Variants in TJP2 observed in about 807,000 individuals in gnomAD.
TJP2 encodes the protein tight junction protein 2, also known as Friedreich ataxia region gene X104 (tight junction protein ZO-2).
TJP2 carries 91 observed loss-of-function variants against 133.1 expected under a neutral mutation model. The observed-to-expected ratio is 0.68, with a 90% CI of 0.58 to 0.81. TJP2 has a LOEUF of 0.81. Among genes scored for constraint, TJP2 ranks in the 40% least tolerant of loss-of-function variants. TJP2 has a pLI of 0.00. For synonymous variants in TJP2, 592 were observed against 583.4 expected, an observed-to-expected ratio of 1.01 and a Z score of -0.21; for missense variants, 1,541 against 1,565.6, an observed-to-expected ratio of 0.98 and a Z score of 0.26.
At chr9:69,190,550 C>G (rs1395292969) in intron 1 of TJP2, among the ~76,000 whole-genome samples, 1 of 152,064 alleles carries the variant, frequency 6.6e-6, no homozygotes, top group East Asian at 1.9e-4. Flanking sequence ...ATAAATAACC[C>G]AATAAAAACA....
At chr9:69,213,055 ATTTTTTTTTTTTT>A (rs551659577) in intron 2 of TJP2, among the ~76,000 whole-genome samples, 16 of 76,546 alleles carry the variant, frequency 2.1e-4, no homozygotes, top group South Asian at 8.7e-4. Flanking sequence ...GTGGTTCTGC[ATTTTTTTTTTTTT>A]TTTTTTTTTT....
intron 1 of TJP2, among the ~76,000 whole-genome samples, chr9:69,206,777 C>T (rs1349367785): frequency 6.6e-6 from 1 of 151,740 alleles, no homozygotes; most frequent in Admixed American, 6.6e-5. Context: ...TGGGGTTTAA[C>T]CATGTTAGTC....
At chr9:69,205,041 C>A (rs1240327348) in intron 1 of TJP2, 19 of 1,442,030 alleles carry the variant, frequency 1.3e-5, no homozygotes, top group Non-Finnish European at 1.6e-5. Flanking sequence ...GAGATGACAA[C>A]AGGATTTGCT....
At position 69,228,169 on chromosome 9, in the gene TJP2, C is replaced by T. The variant is rs1009387313; in HGVS notation, c.1453+55C>T. 2.6e-5 allele frequency: 41 copies of T among 1,558,344 alleles called. No homozygotes were observed. In the South Asian group the frequency reaches 4.6e-4, roughly 17 times the overall value. On this transcript the variant is annotated intron_variant, in intron 9 of 22. Transcript: ENST00000377245. ...AGTTGTGTTCAGAAGTGTGTGCTCA[C>T]ACAGCCATAACAAAGAGTGAAATCA...
At chr9:69,243,124 A>C (rs557117243) in intron 17 of TJP2, among the ~76,000 whole-genome samples, 196 of 152,266 alleles carry the variant, frequency 1.3e-3, no homozygotes, top group African/African-American at 4.5e-3. Context: ...TTGGCCTCCT[A>C]AAATGCTGGG....
In TJP2 at chr9:69,167,649, A is replaced by T. The variant is rs77217469; in HGVS notation, c.-10+15878A>T. 1.6e-3 allele frequency among the ~76,000 whole-genome samples: 249 copies of T among 152,200 alleles called. 3 individuals carry two copies. In the East Asian group the frequency reaches 0.044, roughly 27 times the overall value. On this transcript the variant is annotated intron_variant, in intron 2 of 5. Transcript: ENST00000423935. The stretch of plus-strand genomic sequence containing the variant: ...CCAGGAGGCTGAAGCAAGCAGATCA[A>T]TTGAGGCTAGGAGTTCAAGACCAGC...
Position 69,251,203 on chromosome 9 carries a change from A to C in TJP2, c.3160A>C (p.Thr1054Pro). 2 of 1,613,968 alleles carry C rather than the reference A, an allele frequency of 1.2e-6. No individual in the cohort carries two copies. Among genetic ancestry groups the C allele is most frequent in the Non-Finnish European group, 1.7e-6 (2 of 1,180,004 alleles). ...TGGGCGGTCTATACTGAAGCCCTCC[A>C]CTCCCATCCCTCCTCAAGAGGGTGA... The part of the protein sequence containing the change: ...TFGRSILKPS[T>P]PIPPQEGEEV... Residue 1054 changes from threonine to proline, a missense_variant, in exon 21 of 23, where the codon ACT becomes CCT. Transcript: ENST00000377245.
intron 2 of TJP2, among the ~76,000 whole-genome samples, chr9:69,153,063 A>T (rs1042403088): frequency 6.7e-6 from 1 of 150,046 alleles, no homozygotes; most frequent in Non-Finnish European, 1.5e-5. Flanking sequence ...GTCTCTATTT[A>T]AAAAAAAATA....
chr9:69,233,304 A>G (rs1447325152), intron 11 of TJP2, among the ~76,000 whole-genome samples: 2 of 152,222 alleles, frequency 1.3e-5, no homozygotes, highest in East Asian at 3.8e-4. Context: ...TTTCTTCTTT[A>G]ATAAAGCATT....
intron 1 of TJP2, among the ~76,000 whole-genome samples, chr9:69,139,192 G>C (rs1446246619): frequency 6.6e-6 from 1 of 152,214 alleles, no homozygotes; most frequent in South Asian, 2.1e-4. Context: ...ACTCCAGCCT[G>C]GGTGATAGAG....
chr9:69,238,388 G>A (rs1830345311), intron 15 of TJP2, among the ~76,000 whole-genome samples: 1 of 151,954 alleles, frequency 6.6e-6, no homozygotes, highest in South Asian at 2.1e-4. Flanking sequence ...ATACAACCAA[G>A]GACCATTCAT....
chr9:69,253,797 A>T, intron 22 of TJP2: 2 of 294,334 alleles, frequency 6.8e-6, no homozygotes, highest in South Asian at 6.9e-5. Flanking sequence ...GTGATAGAAA[A>T]CTGGAAACAA....
chr9:69,157,272 A>G (rs1048486060), intron 2 of TJP2, among the ~76,000 whole-genome samples: 1 of 152,124 alleles, frequency 6.6e-6, no homozygotes, highest in Non-Finnish European at 1.5e-5. Flanking sequence ...TGTTACTCAA[A>G]CATGTTACTT....
chr9:69,209,529 G>A (rs930645644), intron 1 of TJP2, among the ~76,000 whole-genome samples: 6 of 151,876 alleles, frequency 4.0e-5, no homozygotes, highest in East Asian at 2.0e-4. Flanking sequence ...CGAGGTGGGC[G>A]GATCATCTAA....
At chr9:69,165,604 A>G (rs1022532674) in intron 2 of TJP2, among the ~76,000 whole-genome samples, 1 of 152,252 alleles carries the variant, frequency 6.6e-6, no homozygotes, top group African/African-American at 2.4e-5. Flanking sequence ...CATTTAGTCA[A>G]TCATTGTTTA....
intron 1 of TJP2, among the ~76,000 whole-genome samples, chr9:69,143,265 A>G (rs762278100): frequency 1.3e-5 from 2 of 152,194 alleles, no homozygotes; most frequent in African/African-American, 2.4e-5. Flanking sequence ...AAAACATCCC[A>G]TTTGCAAAAT....
intron 2 of TJP2, among the ~76,000 whole-genome samples, chr9:69,164,123 C>T (rs1824229039): frequency 3.3e-5 from 5 of 152,178 alleles, no homozygotes; most frequent in Admixed American, 3.3e-4. Context: ...GTGCCTTTTC[C>T]AGGCCAGTTT....
intron 1 of TJP2, among the ~76,000 whole-genome samples, chr9:69,206,638 C>A (rs544720878): frequency 6.6e-6 from 1 of 151,780 alleles, no homozygotes; most frequent in African/African-American, 2.4e-5. Flanking sequence ...AGTGCAGTGG[C>A]GCGATTTCGG....
In TJP2 at chr9:69,254,546, C is replaced by A; in HGVS notation, c.*172C>A. 1.2e-6 allele frequency: 1 copy of A among 809,606 alleles called. No homozygotes were observed. The highest frequency in any genetic ancestry group is 2.0e-6 in the Non-Finnish European group (1 of 493,546). 50.2% of individuals were successfully genotyped at this position (809,606 alleles called of 1,614,324 possible). A position where few individuals can be genotyped will look rare whatever the true frequency, so the allele number is the denominator to read the frequency against. ...GGGGACAGCTGGTGCAAATTCAGAA[C>A]TGAGGGCTCTGTTTGTGGGACTGGG... is the stretch of plus-strand genomic sequence containing the variant. On this transcript the variant is annotated 3_prime_UTR_variant, in exon 23 of 23. Coordinates refer to ENST00000377245, the MANE Select transcript of TJP2 (RefSeq NM_004817.4).
Sources: allele counts gnomAD v4.1 joint callset (sites outside exome capture counted in the v4.1 genomes callset), GRCh38; gene constraint gnomAD v4.1.1; transcripts MANE v1.5; gene names NCBI Gene and HGNC (gene_info 2026-07-23, HGNC 2026-07-21).